LOC400499: variants seen among roughly 807,000 people sequenced by gnomAD.
chr16:11,382,715 CAGG>C, the LOC400499 span, among the ~76,000 whole-genome samples: 3 of 152,124 alleles, frequency 2.0e-5, no homozygotes, highest in Admixed American at 6.5e-5. Context: ...GAGGCTGAGG[CAGG>C]AGAACTGCTT....
the LOC400499 span, among the ~76,000 whole-genome samples, chr16:11,455,435 A>T: frequency 6.6e-6 from 1 of 152,080 alleles, no homozygotes; most frequent in Non-Finnish European, 1.5e-5. Context: ...TACTGTTTTA[A>T]GCAAGACTTG....
the LOC400499 span, chr16:11,477,048 C>A: frequency 1.0e-5 from 4 of 400,016 alleles, no homozygotes; most frequent in Non-Finnish European, 1.8e-5. Flanking sequence ...CACAGCAGCC[C>A]CTCCACCACT....
At chr16:11,373,634 T>A in the LOC400499 span, among the ~76,000 whole-genome samples, 3 of 150,914 alleles carry the variant, frequency 2.0e-5, no homozygotes, top group Admixed American at 6.6e-5. Flanking sequence ...TATTTATATT[T>A]TTTGAGATGG....
the LOC400499 span, among the ~76,000 whole-genome samples, chr16:11,381,873 G>GTATGGATGGATTTATTGTA: frequency 6.6e-6 from 1 of 151,654 alleles, no homozygotes; most frequent in Non-Finnish European, 1.5e-5. Flanking sequence ...ATGGGTCTTG[G>GTATGGATGGATTTATTGTA]TATGGATGGA....
the LOC400499 span, among the ~76,000 whole-genome samples, chr16:11,448,500 T>C: frequency 6.6e-6 from 1 of 151,624 alleles, no homozygotes; most frequent in Non-Finnish European, 1.5e-5. Context: ...GAAACAGCAA[T>C]ACCTCGTGTC....
At chr16:11,525,246 G>GC in the LOC400499 span, among the ~76,000 whole-genome samples, 2 of 150,952 alleles carry the variant, frequency 1.3e-5, no homozygotes, top group African/African-American at 4.9e-5. Flanking sequence ...ACCACTGCCT[G>GC]GTGCGATCGT....
the LOC400499 span, chr16:11,516,151 G>C: frequency 2.5e-6 from 1 of 399,940 alleles, no homozygotes; most frequent in Non-Finnish European, 4.4e-6. Context: ...CCTCATCAAA[G>C]GTCTTGGGGC....
chr16:11,446,478 C>G, the LOC400499 span: 1 of 1,376,826 alleles, frequency 7.3e-7, no homozygotes, highest in East Asian at 2.5e-5. Flanking sequence ...GTTTTCAATC[C>G]TATTGAGCGA....
the LOC400499 span, among the ~76,000 whole-genome samples, chr16:11,422,652 G>A: frequency 0.057 from 8,702 of 152,190 alleles, 346 homozygotes; most frequent in African/African-American, 0.11. Flanking sequence ...GTCAGGCCCC[G>A]TCTCAAACCT....
At chr16:11,444,146 C>A in the LOC400499 span, among the ~76,000 whole-genome samples, 1 of 152,250 alleles carries the variant, frequency 6.6e-6, no homozygotes, top group East Asian at 1.9e-4. Flanking sequence ...TGGCCCAATC[C>A]CAGCACTTTG....
the LOC400499 span, chr16:11,446,849 T>C: frequency 6.5e-7 from 1 of 1,535,944 alleles, no homozygotes; most frequent in Non-Finnish European, 8.7e-7. Flanking sequence ...TGGTGTCGCC[T>C]ATCAGCTGTG....
the LOC400499 span, among the ~76,000 whole-genome samples, chr16:11,407,509 T>C: frequency 6.6e-6 from 1 of 152,096 alleles, no homozygotes; most frequent in Non-Finnish European, 1.5e-5. Context: ...GATGCGAGGG[T>C]TTGGAGCCTC....
At chr16:11,383,402 G>C in the LOC400499 span, among the ~76,000 whole-genome samples, 1 of 152,280 alleles carries the variant, frequency 6.6e-6, no homozygotes, top group South Asian at 2.1e-4. Context: ...GCTCTCATGT[G>C]AACTAATAGA....
the LOC400499 span, among the ~76,000 whole-genome samples, chr16:11,525,203 C>T: frequency 6.6e-6 from 1 of 151,196 alleles, no homozygotes; most frequent in African/African-American, 2.4e-5. Flanking sequence ...TTGCTTGAGC[C>T]GACAGGTGGA....
the LOC400499 span, among the ~76,000 whole-genome samples, chr16:11,475,270 G>T: frequency 2.6e-5 from 4 of 152,052 alleles, no homozygotes; most frequent in Non-Finnish European, 5.9e-5. Flanking sequence ...CATGGCACAT[G>T]TACACCTATG....
the LOC400499 span, among the ~76,000 whole-genome samples, chr16:11,393,163 C>G: frequency 6.8e-3 from 866 of 127,982 alleles, 8 homozygotes; most frequent in Non-Finnish European, 0.011. Flanking sequence ...CACCCCCCCC[C>G]CTTTTTTTTA....
chr16:11,396,487 G>A, the LOC400499 span: 3 of 1,232,040 alleles, frequency 2.4e-6, no homozygotes, highest in Non-Finnish European at 3.0e-6. Context: ...CCCAGGGACT[G>A]TCAGCCCCAT....
At chr16:11,453,194 A>G in the LOC400499 span, among the ~76,000 whole-genome samples, 363 of 152,316 alleles carry the variant, frequency 2.4e-3, 1 homozygote, top group African/African-American at 8.3e-3. Flanking sequence ...AAGTTTCATA[A>G]AAGGATTTTA....
the LOC400499 span, among the ~76,000 whole-genome samples, chr16:11,393,891 C>T: frequency 1.3e-5 from 2 of 152,146 alleles, no homozygotes; most frequent in Non-Finnish European, 2.9e-5. Flanking sequence ...TAGCCTGGAC[C>T]ACATGGCAAA....
Sources: allele counts gnomAD v4.1 joint callset (sites outside exome capture counted in the v4.1 genomes callset), GRCh38; gene constraint gnomAD v4.1.1; transcripts MANE v1.5.